Variants in BPIFB6 observed in about 807,000 individuals in gnomAD.
BPIFB6 encodes the protein BPI fold-containing family B member 6.
A neutral mutation model predicts 54.7 loss-of-function variants in BPIFB6; 47 were observed. The observed-to-expected ratio is 0.86, with a 90% CI of 0.68 to 1.10. The LOEUF is 1.10. Ranked by LOEUF, BPIFB6 falls within the 50% of genes least tolerant of loss-of-function variation. BPIFB6 has a pLI of 0.00. For synonymous variants in BPIFB6, 255 were observed against 225.9 expected, an observed-to-expected ratio of 1.13 and a Z score of -1.16; for missense variants, 603 against 564.1, an observed-to-expected ratio of 1.07 and a Z score of -0.70.
At position 33,035,563 on chromosome 20, in the gene BPIFB6, G is replaced by A. The variant is rs73904417; in HGVS notation, c.517-49G>A. 6,228 of 1,592,122 alleles carry A rather than the reference G, an allele frequency of 3.9e-3. 210 individuals carry two copies. The African/African-American group carries it at 0.074, about 19-fold the overall frequency. On this transcript the variant is annotated intron_variant, in intron 5 of 14. Transcript: ENST00000349552. The stretch of plus-strand genomic sequence containing the variant: ...GTGGTGTACCATTCAGCTGTGTGGA[G>A]GCTCTCCATGCAGGGACCCTCTCAG...
intron 2 of BPIFB6, 34 bp from the exon 3 acceptor site, chr20:33,034,152 G>T (rs549073591): frequency 1.3e-6 from 2 of 1,522,542 alleles, no homozygotes; most frequent in Non-Finnish European, 1.8e-6. Flanking sequence ...TGCCTGCTCA[G>T]ATCTTATTGG....
intron 3 of BPIFB6, 149 bp from the exon 4 acceptor site, chr20:33,034,614 G>A (rs923058494): frequency 2.3e-6 from 2 of 874,234 alleles, no homozygotes; most frequent in Admixed American, 2.3e-5. Context: ...TGTGTCACCT[G>A]GGGCAGGTCC....
At chr20:33,038,544 A>T (rs1979441032) in intron 8 of BPIFB6, among the ~76,000 whole-genome samples, 2 of 151,832 alleles carry the variant, frequency 1.3e-5, no homozygotes, top group Admixed American at 1.3e-4. Flanking sequence ...TCCATTCATC[A>T]TCCTCCCACC....
intron 2 of BPIFB6, chr20:33,033,466 C>T (rs996240399): frequency 6.6e-6 from 3 of 454,348 alleles, no homozygotes; most frequent in African/African-American, 2.0e-5. Flanking sequence ...AAACTGGTTC[C>T]TCTGCCAGTG....
At chr20:33,039,608 C>G in intron 10 of BPIFB6, 88 bp downstream of exon 10, 1 of 1,371,444 alleles carries the variant, frequency 7.3e-7, no homozygotes, top group South Asian at 1.4e-5. Flanking sequence ...ACAGCCAAGT[C>G]ATGGATCAGA....
rs199509808 is a variant in BPIFB6 at position 33,035,144 on chromosome 20, G to A, written c.516G>A (p.Leu172=). 2.3e-5 allele frequency: 37 copies of A among 1,613,690 alleles called. No individual in the cohort carries two copies. In the East Asian group the frequency reaches 8.2e-4, roughly 36 times the overall value. ...DSTLHKVLPG[L]MCPAIDAVLV... Reference sequence around the variant, plus strand: ...CCCTGCACAAAGTCCTCCCTGGGCTGGTGAGTGACCCAGAGAAAGCCTCCA... The same window carrying A: ...CCCTGCACAAAGTCCTCCCTGGGCTAGTGAGTGACCCAGAGAAAGCCTCCA... Residue 172 remains leucine, a splice_region_variant and synonymous_variant, in exon 5 of 15, where the codon CTG becomes CTA. Transcript: ENST00000349552.
rs1260232067 is a variant in BPIFB6 at position 33,032,316 on chromosome 20, T to C, written c.97+572T>C. On this transcript the variant is annotated intron_variant, in intron 1 of 14. Transcript: ENST00000349552. ...AATGACTGTTCTACCAGCTCAGTGTTTGTGCCCTCTCTGGAATTAGCTTGT... is the reference window on the plus strand; with the variant it reads ...AATGACTGTTCTACCAGCTCAGTGTCTGTGCCCTCTCTGGAATTAGCTTGT... 2.6e-5 allele frequency among the ~76,000 whole-genome samples: 4 copies of C among 152,208 alleles called. No individual in the cohort carries two copies. In the East Asian group the frequency reaches 7.7e-4, roughly 29 times the overall value.
downstream of BPIFB6, chr20:33,044,057 G>T (rs369466992): frequency 1.2e-6 from 2 of 1,614,118 alleles, no homozygotes; most frequent in Non-Finnish European, 1.7e-6. Context: ...ACCATGGCAG[G>T]ACTCCCCTGC....
rs1362739082 is a variant in BPIFB6, at chr20:33,038,895, CTT to C, written c.847-11_847-10del. The C allele has an allele frequency of 1.9e-6, 3 of 1,614,010 alleles. No homozygotes were observed. Among genetic ancestry groups the C allele is most frequent in the Non-Finnish European group, 2.5e-6 (3 of 1,179,932 alleles). On this transcript the variant is annotated splice_polypyrimidine_tract_variant and intron_variant, in intron 8 of 14. Coordinates refer to ENST00000349552, the MANE Select transcript of BPIFB6 (RefSeq NM_174897.2). Reference sequence around the variant, plus strand: ...AGGACTCCAGCAACCCTAACCTTGACTTTTATTCTGTAGATTGGTGAGCTGCC... The same window carrying C: ...AGGACTCCAGCAACCCTAACCTTGACTTATTCTGTAGATTGGTGAGCTGCC...
chr20:33,039,524 A>G lies in BPIFB6; in HGVS notation c.1074+4A>G, dbSNP rs1979489187. 1 of 1,598,750 alleles carries G rather than the reference A, an allele frequency of 6.3e-7. No homozygotes were observed. Among genetic ancestry groups the G allele is most frequent in the African/African-American group, 1.3e-5 (1 of 74,286 alleles). ...GTCCCTCTTTCTCCTAGAAGTGGTG[A>G]GGGAAATCGTTCCCTTCCCCATTTA... On this transcript the variant is annotated splice_donor_region_variant and intron_variant, in intron 10 of 14. Coordinates refer to ENST00000349552, the MANE Select transcript of BPIFB6 (RefSeq NM_174897.2).
intron 1 of BPIFB6, among the ~76,000 whole-genome samples, chr20:33,032,023 C>T (rs1292189751): frequency 6.6e-6 from 1 of 152,134 alleles, no homozygotes; most frequent in African/African-American, 2.4e-5. Context: ...GGGTTTTAGC[C>T]ACAAGTGGGC....
intron 2 of BPIFB6, chr20:33,033,517 A>T: frequency 2.2e-6 from 1 of 454,896 alleles, no homozygotes; most frequent in South Asian, 1.5e-5. Flanking sequence ...GAAACGATGC[A>T]CTTGGGAGGG....
At position 33,031,732 on chromosome 20, in the gene BPIFB6, G is replaced by A. The variant is rs1369146131; in HGVS notation, c.85G>A (p.Asp29Asn). Residue 29 changes from aspartate to asparagine, a missense_variant, in exon 1 of 15, where the codon GAC (aspartate) becomes AAC (asparagine). Coordinates refer to ENST00000349552, the MANE Select transcript of BPIFB6 (RefSeq NM_174897.2). ...TGGGGCACTGCTGCGGTTGGGCATG[G>A]ACATCATGAACCGTGGTGAGCTTGT... is the stretch of plus-strand genomic sequence containing the variant. ...DPGALLRLGM[D>N]IMNQVQSAMD... is the part of the protein sequence containing the mutation. 2.5e-6 allele frequency: 4 copies of A among 1,614,130 alleles called. No individual in the cohort carries two copies. The highest frequency in any genetic ancestry group is 2.2e-5 in the East Asian group (1 of 44,882).
In BPIFB6 at chr20:33,042,896, C is replaced by A. The variant is rs761272596; in HGVS notation, c.1252+18C>A. On this transcript the variant is annotated intron_variant, in intron 13 of 14. Transcript: ENST00000349552. Reference sequence around the variant, plus strand: ...TGTCAATGGTGAGGGTTCCAAAAGGCTTTGGACCATGGTGCCAAGAAGCAC... The same window carrying A: ...TGTCAATGGTGAGGGTTCCAAAAGGATTTGGACCATGGTGCCAAGAAGCAC... 6.2e-7 allele frequency: 1 copy of A among 1,611,850 alleles called. No homozygotes were observed. Among genetic ancestry groups the A allele is most frequent in the Non-Finnish European group, 8.5e-7 (1 of 1,178,154 alleles).
At position 33,034,222 on chromosome 20, in the gene BPIFB6, A is replaced by G; in HGVS notation, c.234A>G (p.Thr78=). 6.2e-7 allele frequency: 1 copy of G among 1,614,128 alleles called. No homozygotes were observed. ...AGGATGTCCAGCTGCCCGTCATCAC[A>G]CTGAACTTTGTACCTGGAGTGGGCA... is the stretch of plus-strand genomic sequence containing the variant. ...KVKDVQLPVI[T]LNFVPGVGIF... Residue 78 remains threonine, a synonymous_variant, in exon 3 of 15, where the codon ACA becomes ACG. Transcript: ENST00000349552.
intron 10 of BPIFB6, among the ~76,000 whole-genome samples, chr20:33,039,777 C>T (rs909413195): frequency 2.0e-5 from 3 of 152,224 alleles, no homozygotes; most frequent in African/African-American, 7.2e-5. Context: ...GAAGGGTGCA[C>T]TGAAGGGACT....
At chr20:33,033,721 T>C (rs1293513826) in intron 2 of BPIFB6, 2 of 446,120 alleles carry the variant, frequency 4.5e-6, no homozygotes, top group Non-Finnish European at 9.2e-6. Context: ...ACATTTTTCA[T>C]TGTCACAAGT....
chr20:33,043,209 C>T, intron 13 of BPIFB6, 82 bp from the exon 14 acceptor site: 1 of 1,225,724 alleles, frequency 8.2e-7, no homozygotes, highest in Non-Finnish European at 1.2e-6. Flanking sequence ...TGCACTATTT[C>T]CCACTATCCC....
In BPIFB6 at chr20:33,041,992, TC is replaced by T. The variant is rs758524240; in HGVS notation, c.1167del (p.Ser390HisfsTer11). ...CAGATTACTGAGCTTGTCCCGGAAG[TC>T]CTCATCGATTGGCAACTTCAATGTA... ...LDRLLSLSRK[S>X]SSIGNFNERE... On this transcript the variant is annotated frameshift_variant, in exon 12 of 15. Transcript: ENST00000349552. LOFTEE classifies it high-confidence loss of function. 1 of 1,614,094 alleles carries T rather than the reference TC, an allele frequency of 6.2e-7. No individual in the cohort carries two copies. Among genetic ancestry groups the T allele is most frequent in the South Asian group, 1.1e-5 (1 of 91,068 alleles).
Sources: allele counts gnomAD v4.1 joint callset (sites outside exome capture counted in the v4.1 genomes callset), GRCh38; gene constraint gnomAD v4.1.1; transcripts MANE v1.5; gene names NCBI Gene and HGNC (gene_info 2026-07-23, HGNC 2026-07-21).